The following CMKLR1 variants were observed in gnomAD, a reference collection of about 807,000 sequenced individuals.
The protein encoded by CMKLR1 is chemerin-like receptor 1.
A neutral mutation model predicts 8.2 loss-of-function variants in CMKLR1; 6 were observed. That is an observed-to-expected ratio of 0.73 (90% CI 0.40 to 1.44). The LOEUF is 1.44. Among genes scored for constraint, CMKLR1 ranks in the 40% most tolerant of loss-of-function variants. The probability of loss-of-function intolerance (pLI) is 0.02; values close to 1 mark genes in which losing one functional copy is unlikely to be tolerated. For missense variants in CMKLR1, 429 were observed against 478.0 expected, an observed-to-expected ratio of 0.90 and a Z score of 0.96; for synonymous variants, 178 against 181.2, an observed-to-expected ratio of 0.98 and a Z score of 0.14.
intron 2 of CMKLR1, among the ~76,000 whole-genome samples, chr12:108,302,211 G>A (rs1293102032): frequency 9.2e-5 from 14 of 152,222 alleles, no homozygotes; most frequent in Admixed American, 7.8e-4. Context: ...ACACCTTCTA[G>A]ACTGTGGCAA....
At chr12:108,294,130 T>C (rs1243877572) in intron 2 of CMKLR1, among the ~76,000 whole-genome samples, 2 of 152,224 alleles carry the variant, frequency 1.3e-5, no homozygotes, top group East Asian at 3.8e-4. Flanking sequence ...TATTCTTTCT[T>C]GTTATTTAGT....
In CMKLR1 at chr12:108,292,152, G is replaced by C. The variant is rs748186818; in HGVS notation, c.811C>G (p.Leu271Val). Residue 271 changes from leucine (L) to valine (V), a missense_variant, in exon 4 of 4, where the codon CTC becomes GTC. Transcript: ENST00000550402. ...IIVTIIITFF[L>V]CWCPYHTLNL... ...AGTGTGTGGTAGGGGCACCAGCAGA[G>C]GAAGAAGGTAATGATGATGGTCACA... The C allele has an allele frequency of 6.2e-7, 1 of 1,614,202 alleles. No individual in the cohort carries two copies. Among genetic ancestry groups the C allele is most frequent in the South Asian group, 1.1e-5 (1 of 91,082 alleles).
intron 1 of CMKLR1, among the ~76,000 whole-genome samples, chr12:108,332,664 T>C (rs777475469): frequency 6.6e-6 from 1 of 152,200 alleles, no homozygotes; most frequent in Non-Finnish European, 1.5e-5. Flanking sequence ...TCTCCAGTTT[T>C]GGGACTCAGA....
chr12:108,321,959 G>GT (rs1891872938), intron 2 of CMKLR1, among the ~76,000 whole-genome samples: 1 of 152,088 alleles, frequency 6.6e-6, no homozygotes, highest in African/African-American at 2.4e-5. Flanking sequence ...TCTTGGTGCT[G>GT]TCCTCCAAGT....
rs151279184 is a variant in CMKLR1 at position 108,334,389 on chromosome 12, C to G, written c.-286-4182G>C. ...TCCCAGGCACCCACTATGTGGCCAG[C>G]CCAGTTGAAGCCTCAGTGTCTTCCA... On this transcript the variant is annotated intron_variant, in intron 1 of 3. Transcript: ENST00000550402. Among the ~76,000 whole-genome samples the G allele has an allele frequency of 3.8e-3, 584 of 152,348 alleles. 8 individuals are homozygous for G. The highest frequency in any genetic ancestry group is 0.014 in the African/African-American group (566 of 41,578).
chr12:108,314,935 T>C (rs796499419), intron 2 of CMKLR1, among the ~76,000 whole-genome samples: 11 of 87,974 alleles, frequency 1.3e-4, no homozygotes, highest in African/African-American at 7.8e-4. Flanking sequence ...CACAGCCTTG[T>C]TTTTTTTTTT....
chr12:108,295,215 G>A (rs1489943331), intron 2 of CMKLR1, among the ~76,000 whole-genome samples: 1 of 152,188 alleles, frequency 6.6e-6, no homozygotes, highest in African/African-American at 2.4e-5. Context: ...AGTCCAGATG[G>A]TCTCACTTTA....
rs975968414 is a variant in CMKLR1, at chr12:108,291,013, C to T, written c.*828G>A. 3 of 152,362 alleles carry T rather than the reference C, an allele frequency of 2.0e-5. No homozygotes were observed. Among genetic ancestry groups the T allele is most frequent in the Non-Finnish European group, 2.9e-5 (2 of 68,138 alleles). 9.4% of individuals were successfully genotyped at this position (152,362 alleles called of 1,614,324 possible). A position where few individuals can be genotyped will look rare whatever the true frequency, so the allele number is the denominator to read the frequency against. ...GGTGAAGATGCCTGCCACAACCCCACCCCCAGGTAAGAGGGGCAAGGTGAG... is the reference window on the plus strand; with the variant it reads ...GGTGAAGATGCCTGCCACAACCCCATCCCCAGGTAAGAGGGGCAAGGTGAG... On this transcript the variant is annotated 3_prime_UTR_variant, in exon 4 of 4. Coordinates refer to ENST00000550402, the MANE Select transcript of CMKLR1 (RefSeq NM_001142343.2).
chr12:108,302,238 C>A (rs139027839), intron 2 of CMKLR1, among the ~76,000 whole-genome samples: 1 of 152,318 alleles, frequency 6.6e-6, no homozygotes, highest in East Asian at 1.9e-4. Flanking sequence ...GAAAGCTGGA[C>A]GCTTCCCAGG....
chr12:108,321,092 T>C (rs144067189), intron 2 of CMKLR1, among the ~76,000 whole-genome samples: 1,897 of 152,224 alleles, frequency 0.012, 41 homozygotes, highest in African/African-American at 0.043. Context: ...AGCACAATGC[T>C]CACTCCAGGG....
chr12:108,291,678 G>T lies in CMKLR1; in HGVS notation c.*163C>A, dbSNP rs768594495. 38 of 719,450 alleles carry T rather than the reference G, an allele frequency of 5.3e-5. No individual in the cohort carries two copies. Among genetic ancestry groups the T allele is most frequent in the Non-Finnish European group, 4.7e-6 (2 of 424,282 alleles). 44.6% of individuals were successfully genotyped at this position (719,450 alleles called of 1,614,324 possible). The stretch of plus-strand genomic sequence containing the variant: ...AGCATGTTCTGTCCACTAGAAGAAA[G>T]GGGTTCCAGGCCCTAGATTCCCAGC... On this transcript the variant is annotated 3_prime_UTR_variant, in exon 4 of 4. Transcript: ENST00000550402.
At chr12:108,317,798 A>G (rs1891768323) in intron 2 of CMKLR1, 1 of 152,216 alleles carries the variant, frequency 6.6e-6, no homozygotes, top group Non-Finnish European at 1.5e-5. Flanking sequence ...ATCTAAAACT[A>G]TAGAAAGATT....
At chr12:108,322,801 C>T (rs1264706184) in intron 2 of CMKLR1, among the ~76,000 whole-genome samples, 2 of 152,136 alleles carry the variant, frequency 1.3e-5, no homozygotes, top group East Asian at 3.9e-4. Context: ...GAACCATGAG[C>T]AAAATAAACC....
At chr12:108,337,939 GAGA>G (rs1163243922) in intron 1 of CMKLR1, among the ~76,000 whole-genome samples, 4 of 152,182 alleles carry the variant, frequency 2.6e-5, no homozygotes, top group Non-Finnish European at 5.9e-5. Flanking sequence ...AAGAACCACA[GAGA>G]AGATTGGTCT....
intron 2 of CMKLR1, among the ~76,000 whole-genome samples, chr12:108,302,839 G>C (rs540944172): frequency 2.0e-5 from 3 of 152,166 alleles, no homozygotes. Context: ...GAGGGGTCAC[G>C]GGACTGGGAA....
chr12:108,291,858 C>T lies in CMKLR1; in HGVS notation c.1105G>A (p.Glu369Lys), dbSNP rs1410401682. The change falls in exon 4 of 4, where the codon GAG (glutamate) becomes AAG (lysine). Residue 369 changes from glutamate (E) to lysine (K), a missense_variant. Glu to Lys is a moderately conservative substitution (Grantham distance 56). Transcript: ENST00000550402. ...MNERTSMNER[E>K]TGML ...AGTGAGGATCAAAGCATGCCGGTCT[C>T]CCTCTCATTCATAGAAGTCCTCTCA... The T allele has an allele frequency of 8.1e-6, 13 of 1,613,118 alleles. No individual in the cohort carries two copies. The highest frequency in any genetic ancestry group is 1.1e-5 in the Non-Finnish European group (13 of 1,179,564).
chr12:108,318,104 A>G (rs965009114), intron 2 of CMKLR1, among the ~76,000 whole-genome samples: 1 of 152,264 alleles, frequency 6.6e-6, no homozygotes, highest in Non-Finnish European at 1.5e-5. Context: ...ATTTGCCAGC[A>G]TTTAATTAAC....
intron 2 of CMKLR1, among the ~76,000 whole-genome samples, chr12:108,321,760 C>T (rs1891866588): frequency 6.6e-6 from 1 of 152,232 alleles, no homozygotes; most frequent in Admixed American, 6.5e-5. Context: ...AGCTCCTCCC[C>T]ACACAGCCCC....
intron 2 of CMKLR1, among the ~76,000 whole-genome samples, chr12:108,304,589 C>CA (rs1321985132): frequency 6.6e-6 from 1 of 152,190 alleles, no homozygotes; most frequent in African/African-American, 2.4e-5. Flanking sequence ...CTCTCTCCCC[C>CA]AGTCTCTGTG....
Sources: allele counts gnomAD v4.1 joint callset (sites outside exome capture counted in the v4.1 genomes callset), GRCh38; gene constraint gnomAD v4.1.1; transcripts MANE v1.5; gene names NCBI Gene and HGNC (gene_info 2026-07-23, HGNC 2026-07-21).